Variants in LIN7A observed in about 807,000 individuals in gnomAD.
LIN7A encodes protein lin-7 homolog A.
A neutral mutation model predicts 29.8 loss-of-function variants in LIN7A; 25 were observed. That is an observed-to-expected ratio of 0.84 (90% confidence interval 0.61 to 1.17). The LOEUF is 1.17. Among genes scored for constraint, LIN7A ranks in the 50% most tolerant of loss-of-function variants. The pLI, the probability that LIN7A is intolerant of heterozygous loss-of-function variation, is 0.00. For synonymous variants in LIN7A, 118 were observed against 107.5 expected (o/e 1.10, Z -0.60); for missense variants, 239 against 287.0 (o/e 0.83, Z 1.21).
At chr12:80,876,950 C>T (rs897140537) in intron 2 of LIN7A, among the ~76,000 whole-genome samples, 1 of 151,578 alleles carries the variant, frequency 6.6e-6, no homozygotes, top group Non-Finnish European at 1.5e-5. Context: ...GATGAAACCC[C>T]GTCTCTACTA....
At chr12:80,813,519 A>G (rs1257688041) in intron 4 of LIN7A, among the ~76,000 whole-genome samples, 1 of 152,136 alleles carries the variant, frequency 6.6e-6, no homozygotes, top group Non-Finnish European at 1.5e-5. Context: ...GATACAATCA[A>G]ATAGGCACAC....
chr12:80,844,787 T>C (rs1432427555), intron 4 of LIN7A, among the ~76,000 whole-genome samples: 1 of 152,120 alleles, frequency 6.6e-6, no homozygotes, highest in South Asian at 2.1e-4. Context: ...TATGAGAAAA[T>C]GTATATTCAT....
chr12:80,878,610 C>G (rs964139441), intron 2 of LIN7A, among the ~76,000 whole-genome samples: 4 of 152,294 alleles, frequency 2.6e-5, no homozygotes, highest in Admixed American at 2.0e-4. Flanking sequence ...GGAAAGAGAT[C>G]TGAGCGGGTT....
intron 4 of LIN7A, among the ~76,000 whole-genome samples, chr12:80,816,303 T>TG (rs1871529393): frequency 6.6e-6 from 1 of 151,674 alleles, no homozygotes; most frequent in Admixed American, 6.6e-5. Flanking sequence ...CCCAACTACT[T>TG]GGGATGCTGA....
intron 1 of LIN7A, among the ~76,000 whole-genome samples, chr12:80,925,841 T>C (rs754430729): frequency 3.3e-5 from 5 of 152,246 alleles, no homozygotes; most frequent in Non-Finnish European, 5.9e-5. Context: ...CACAGTATTT[T>C]GCTGTCCATT....
intron 1 of LIN7A, among the ~76,000 whole-genome samples, chr12:80,927,812 A>T (rs1259311799): frequency 6.6e-6 from 1 of 151,900 alleles, no homozygotes; most frequent in East Asian, 1.9e-4. Flanking sequence ...GCACCCGTCA[A>T]CTCGTCATTT....
At chr12:80,820,278 A>G (rs1398726428) in intron 4 of LIN7A, among the ~76,000 whole-genome samples, 2 of 152,020 alleles carry the variant, frequency 1.3e-5, no homozygotes, top group African/African-American at 2.4e-5. Flanking sequence ...AGGTTAATGG[A>G]AAAAAAAGTG....
At chr12:80,896,443 C>A (rs1875901505) in intron 1 of LIN7A, among the ~76,000 whole-genome samples, 1 of 152,138 alleles carries the variant, frequency 6.6e-6, no homozygotes. Context: ...GTACCAACAA[C>A]ATAAAATAAA....
chr12:80,808,014 C>T (rs902746986), intron 5 of LIN7A, among the ~76,000 whole-genome samples: 2 of 152,202 alleles, frequency 1.3e-5, no homozygotes, highest in Non-Finnish European at 2.9e-5. Context: ...TAACTTCCCT[C>T]AGTGGCTCAC....
intron 2 of LIN7A, among the ~76,000 whole-genome samples, chr12:80,853,367 T>TA (rs1013632708): frequency 1.4e-4 from 21 of 151,038 alleles, no homozygotes; most frequent in Admixed American, 4.0e-4. Context: ...AAAACACTGT[T>TA]AAAAAAAATG....
intron 4 of LIN7A, among the ~76,000 whole-genome samples, chr12:80,816,451 C>CTAGT (rs1871541554): frequency 1.3e-5 from 2 of 150,648 alleles, no homozygotes; most frequent in Admixed American, 1.3e-4. Context: ...CACACACACA[C>CTAGT]TATTATATAC....
At chr12:80,897,325 T>G (rs1407600162) in intron 1 of LIN7A, among the ~76,000 whole-genome samples, 1 of 152,220 alleles carries the variant, frequency 6.6e-6, no homozygotes, top group East Asian at 1.9e-4. Flanking sequence ...CAGCCGACTA[T>G]AGCCTTATTC....
At chr12:80,854,968 A>G (rs950291520) in intron 2 of LIN7A, among the ~76,000 whole-genome samples, 2 of 152,164 alleles carry the variant, frequency 1.3e-5, no homozygotes, top group East Asian at 3.9e-4. Flanking sequence ...GTTTATCAGC[A>G]TGGAAAACAG....
rs145248452 is a variant in LIN7A, at chr12:80,923,894, A to G, written c.82+13747T>C. Among the ~76,000 whole-genome samples the G allele has an allele frequency of 2.7e-3, 410 of 152,270 alleles. 2 individuals carry two copies. The highest frequency in any genetic ancestry group is 9.6e-3 in the African/African-American group (399 of 41,560). On this transcript the variant is annotated intron_variant, in intron 1 of 5. Transcript: ENST00000552864. ...CTTCAAAATACAAATAATGTTTTGT[A>G]TTTTGTTTGTTGTGAAGATTAATTG...
At chr12:80,883,083 C>G (rs190415597) in intron 2 of LIN7A, among the ~76,000 whole-genome samples, 44 of 151,966 alleles carry the variant, frequency 2.9e-4, no homozygotes, top group African/African-American at 9.2e-4. Flanking sequence ...TTTCTTCTCT[C>G]TCTTTCTGTT....
intron 3 of LIN7A, among the ~76,000 whole-genome samples, chr12:80,847,365 TAAACA>T (rs897729825): frequency 6.6e-6 from 1 of 152,052 alleles, no homozygotes; most frequent in African/African-American, 2.4e-5. Flanking sequence ...TCCCTGAGTT[TAAACA>T]AAACAAAACA....
intron 1 of LIN7A, among the ~76,000 whole-genome samples, chr12:80,919,037 T>C (rs1229775371): frequency 6.6e-6 from 1 of 152,236 alleles, no homozygotes; most frequent in Non-Finnish European, 1.5e-5. Context: ...TGTAATAGGC[T>C]ATACTATCTA....
intron 5 of LIN7A, among the ~76,000 whole-genome samples, chr12:80,806,145 A>G (rs1485043187): frequency 6.6e-6 from 1 of 151,924 alleles, no homozygotes; most frequent in African/African-American, 2.4e-5. Flanking sequence ...GCCATGTGGA[A>G]CTGTAAGTCC....
chr12:80,910,808 C>T (rs960096195), intron 1 of LIN7A, among the ~76,000 whole-genome samples: 1 of 152,124 alleles, frequency 6.6e-6, no homozygotes, highest in Admixed American at 6.5e-5. Context: ...GCCACTCGTA[C>T]ATTCATATCC....
Sources: allele counts gnomAD v4.1 joint callset (sites outside exome capture counted in the v4.1 genomes callset), GRCh38; gene constraint gnomAD v4.1.1; transcripts MANE v1.5; gene names NCBI Gene and HGNC (gene_info 2026-07-23, HGNC 2026-07-21).